ADGRL2: variants seen among roughly 807,000 people sequenced by gnomAD.
The protein encoded by ADGRL2 is adhesion G protein-coupled receptor L2, also known as calcium-independent alpha-latrotoxin receptor 2.
In ADGRL2, 44 loss-of-function variants were observed where a neutral mutation model predicts 157.4. The observed-to-expected ratio is 0.28, with a 90% CI of 0.22 to 0.36. The LOEUF is 0.36. Among genes scored for constraint, ADGRL2 ranks in the 10% least tolerant of loss-of-function variants. The pLI is 1.00. For missense variants in ADGRL2, 1,510 were observed against 1,768.9 expected (o/e 0.85, Z 2.63); for synonymous variants, 585 against 624.7 (o/e 0.94, Z 0.95).
At chr1:81,679,696 A>G (rs1215220615) in intron 3 of ADGRL2, among the ~76,000 whole-genome samples, 3 of 152,190 alleles carry the variant, frequency 2.0e-5, no homozygotes, top group African/African-American at 7.2e-5. Context: ...TTATCAAAGG[A>G]GTAATATTTT....
chr1:81,430,618 C>T (rs2077302676), intron 1 of ADGRL2, among the ~76,000 whole-genome samples: 2 of 152,250 alleles, frequency 1.3e-5, no homozygotes, highest in Admixed American at 1.3e-4. Context: ...CTCCCCCAGC[C>T]CCCCACTGAT....
chr1:81,898,240 A>G (rs899690098), intron 2 of ADGRL2, among the ~76,000 whole-genome samples: 2 of 152,198 alleles, frequency 1.3e-5, no homozygotes, highest in African/African-American at 2.4e-5. Context: ...TTCTTTTGCA[A>G]CAGTTTCATA....
chr1:81,962,387 G>A (rs1400385646), intron 11 of ADGRL2, among the ~76,000 whole-genome samples: 2 of 151,746 alleles, frequency 1.3e-5, no homozygotes, highest in African/African-American at 4.8e-5. Context: ...ATGTATACTG[G>A]ACACTAATCC....
intron 1 of ADGRL2, among the ~76,000 whole-genome samples, chr1:81,408,584 A>G (rs1465997882): frequency 6.6e-6 from 1 of 152,236 alleles, no homozygotes; most frequent in South Asian, 2.1e-4. Flanking sequence ...TAGAAAAAAT[A>G]GAAGGCATAA....
chr1:81,529,488 T>C (rs1325165919), intron 2 of ADGRL2, among the ~76,000 whole-genome samples: 2 of 152,202 alleles, frequency 1.3e-5, no homozygotes, highest in Admixed American at 6.5e-5. Flanking sequence ...CCAATATATA[T>C]TGGGTGCAAT....
chr1:81,946,713 C>T (rs747510977), intron 6 of ADGRL2, among the ~76,000 whole-genome samples: 1 of 152,072 alleles, frequency 6.6e-6, no homozygotes, highest in Non-Finnish European at 1.5e-5. Flanking sequence ...AGAATTCATA[C>T]TTCCGGAAAT....
intron 3 of ADGRL2, among the ~76,000 whole-genome samples, chr1:81,675,374 A>T (rs2082964213): frequency 6.6e-6 from 1 of 152,202 alleles, no homozygotes; most frequent in Non-Finnish European, 1.5e-5. Flanking sequence ...TTACTATTTG[A>T]AAACTTATGT....
At chr1:81,957,670 C>T (rs1383959116) in intron 11 of ADGRL2, among the ~76,000 whole-genome samples, 3 of 151,902 alleles carry the variant, frequency 2.0e-5, no homozygotes, top group South Asian at 2.1e-4. Flanking sequence ...GATCATGCCA[C>T]TGCACTCCAC....
rs182891561 is a variant in ADGRL2, at chr1:81,961,342, C to T, written c.2018-4716C>T. ...AAAATCATAGATAATGTCGAAGTTC[C>T]CAGGATTGCCTCCTTCCTGATTCAT... On this transcript the variant is annotated intron_variant, in intron 11 of 23. Coordinates refer to ENST00000686636, the MANE Select transcript of ADGRL2 (RefSeq NM_001366006.2). Among the ~76,000 whole-genome samples the T allele has an allele frequency of 2.8e-3, 429 of 152,032 alleles. 2 individuals are homozygous for T. The highest frequency in any genetic ancestry group is 9.4e-3 in the African/African-American group (391 of 41,430).
chr1:81,465,072 G>A (rs1438082105), intron 2 of ADGRL2, among the ~76,000 whole-genome samples: 1 of 151,920 alleles, frequency 6.6e-6, no homozygotes. Flanking sequence ...CTGTGTTGTC[G>A]GTGGTCACAT....
intron 3 of ADGRL2, among the ~76,000 whole-genome samples, chr1:81,932,784 C>T (rs1483862277): frequency 2.0e-5 from 3 of 152,270 alleles, no homozygotes; most frequent in East Asian, 3.9e-4. Context: ...ACCTCTGCCT[C>T]GCAGGTTCAA....
chr1:81,545,033 A>G (rs1188559269), intron 2 of ADGRL2, among the ~76,000 whole-genome samples: 4 of 152,172 alleles, frequency 2.6e-5, no homozygotes, highest in African/African-American at 9.7e-5. Flanking sequence ...CCCTGGTTCC[A>G]TCACCTTTGA....
At chr1:81,801,422 TCTCCCTCTCG>T (rs1184180793) in intron 1 of ADGRL2, among the ~76,000 whole-genome samples, 4 of 152,082 alleles carry the variant, frequency 2.6e-5, no homozygotes, top group Non-Finnish European at 4.4e-5. Flanking sequence ...TCTCTCTCTC[TCTCCCTCTCG>T]CTCCCTCTCA....
intron 1 of ADGRL2, among the ~76,000 whole-genome samples, chr1:81,313,868 C>G (rs1254244099): frequency 1.3e-5 from 2 of 152,106 alleles, no homozygotes; most frequent in Non-Finnish European, 2.9e-5. Flanking sequence ...ATTCCCTCAT[C>G]ATTGCTTCAT....
chr1:81,552,619 A>G (rs1449339862), intron 2 of ADGRL2, among the ~76,000 whole-genome samples: 1 of 151,330 alleles, frequency 6.6e-6, no homozygotes, highest in Admixed American at 6.6e-5. Context: ...AAAAAAAAAA[A>G]AAAAACAGAA....
chr1:81,572,966 A>G (rs2080725769), intron 2 of ADGRL2, among the ~76,000 whole-genome samples: 1 of 151,170 alleles, frequency 6.6e-6, no homozygotes, highest in Non-Finnish European at 1.5e-5. Context: ...TACCAAATAT[A>G]GTTTGAGAAA....
chr1:81,820,375 TAGAGA>T (rs2090860015), intron 1 of ADGRL2, among the ~76,000 whole-genome samples: 1 of 152,164 alleles, frequency 6.6e-6, no homozygotes, highest in Non-Finnish European at 1.5e-5. Context: ...TTCCATATAG[TAGAGA>T]AAATTTTTTG....
chr1:81,488,311 A>T (rs1425341222), intron 2 of ADGRL2, among the ~76,000 whole-genome samples: 1 of 152,112 alleles, frequency 6.6e-6, no homozygotes, highest in Non-Finnish European at 1.5e-5. Flanking sequence ...ACAATACAAA[A>T]ATCACAAAAT....
chr1:81,667,328 A>G (rs1194710109), intron 3 of ADGRL2, among the ~76,000 whole-genome samples: 2 of 152,168 alleles, frequency 1.3e-5, no homozygotes, highest in Non-Finnish European at 2.9e-5. Flanking sequence ...TCATTAAAAA[A>G]CTGCTTATAA....
Sources: gnomAD v4.1 joint callset for allele counts (sites outside exome capture counted in the v4.1 genomes callset) on GRCh38, gnomAD v4.1.1 for gene constraint, MANE v1.5 for transcripts, NCBI Gene and HGNC (gene_info 2026-07-23, HGNC 2026-07-21) for gene names.